CAND1: variants seen among roughly 807,000 people sequenced by gnomAD.
The protein encoded by CAND1 is cullin associated and neddylation dissociated 1.
A neutral mutation model predicts 108.5 loss-of-function variants in CAND1; 7 were observed. That is an observed-to-expected ratio of 0.06 (90% CI 0.04 to 0.12). The LOEUF is 0.12. Ranked by LOEUF, CAND1 falls within the 10% of genes least tolerant of loss-of-function variation. CAND1 has a pLI of 1.00. For synonymous variants in CAND1, 534 were observed against 512.0 expected (o/e 1.04, Z -0.58); for missense variants, 941 against 1,448.7 (o/e 0.65, Z 5.69).
chr12:67,305,801 G>A lies in CAND1; in HGVS notation c.2133G>A (p.Met711Ile). Reference protein sequence around the residue: ...ISESDMHVSQMAISFLTTLAK... With the variant: ...ISESDMHVSQIAISFLTTLAK... ...AAAGTGATATGCATGTTTCACAAATGGCCATCAGTTTTCTTACCACTTTGG... is the reference window on the plus strand; with the variant it reads ...AAAGTGATATGCATGTTTCACAAATAGCCATCAGTTTTCTTACCACTTTGG... Residue 711 changes from methionine (M) to isoleucine (I), a missense_variant, in exon 10 of 15, where the codon ATG becomes ATA. By Grantham distance (10) the Met-to-Ile change is conservative. Transcript: ENST00000545606. The surrounding 1 kb of genome is among the most constrained non-coding windows in gnomAD (Gnocchi z 4.4). 1 of 1,614,142 alleles carries A rather than the reference G, an allele frequency of 6.2e-7. No individual in the cohort carries two copies. Among genetic ancestry groups the A allele is most frequent in the African/African-American group, 1.3e-5 (1 of 75,048 alleles).
chr12:67,290,458 C>T (rs2044712155), intron 2 of CAND1, among the ~76,000 whole-genome samples: 1 of 151,946 alleles, frequency 6.6e-6, no homozygotes, highest in African/African-American at 2.4e-5. Context: ...TTACAGTGAG[C>T]CAACATCACA....
intron 2 of CAND1, 73 bp downstream of exon 2, chr12:67,282,126 T>C (rs1456994353): frequency 6.9e-7 from 1 of 1,454,486 alleles, no homozygotes; most frequent in Non-Finnish European, 9.5e-7. Context: ...CTATGATAAG[T>C]AGTAAATTAT....
At chr12:67,307,272 C>T in intron 10 of CAND1, 125 bp from the exon 11 acceptor site, 1 of 667,218 alleles carries the variant, frequency 1.5e-6, no homozygotes, top group South Asian at 1.8e-5. Flanking sequence ...TAAGAAATAC[C>T]CTTCTTGGCC....
At chr12:67,284,021 A>G (rs1004574245) in intron 2 of CAND1, among the ~76,000 whole-genome samples, 1 of 152,198 alleles carries the variant, frequency 6.6e-6, no homozygotes, top group African/African-American at 2.4e-5. Context: ...AAGCAGCCAT[A>G]TCAATTATTA....
Position 67,306,140 on chromosome 12 carries a change from T to A in CAND1, c.2472T>A (p.Asp824Glu). 6.2e-7 allele frequency: 1 copy of A among 1,614,160 alleles called. No homozygotes were observed. The highest frequency in any genetic ancestry group is 8.5e-7 in the Non-Finnish European group (1 of 1,179,994). The change falls in exon 10 of 15, where the codon GAT (aspartate) becomes GAA (glutamate). Residue 824 changes from aspartate (D) to glutamate (E), a missense_variant. Asp to Glu is a conservative substitution (Grantham distance 45). Coordinates refer to ENST00000545606, the MANE Select transcript of CAND1 (RefSeq NM_018448.5). ...CTGTAGTAGGTCAGTTTATTCAAGATGTCAAGAACTCAAGGTCTACAGATT... is the reference window on the plus strand; with the variant it reads ...CTGTAGTAGGTCAGTTTATTCAAGAAGTCAAGAACTCAAGGTCTACAGATT... ...GPAVVGQFIQDVKNSRSTDSI... is the reference protein window; with the variant it reads ...GPAVVGQFIQEVKNSRSTDSI...
intron 1 of CAND1, among the ~76,000 whole-genome samples, chr12:67,278,264 T>G (rs2044588470): frequency 6.6e-6 from 1 of 152,092 alleles, no homozygotes. Flanking sequence ...TTCAAGCATT[T>G]CCCCTGCCTC....
intron 1 of CAND1, among the ~76,000 whole-genome samples, chr12:67,276,734 C>T (rs1005984829): frequency 6.6e-6 from 1 of 152,178 alleles, no homozygotes; most frequent in African/African-American, 2.4e-5. Context: ...TATGCCTTAG[C>T]TGTTAAGCAT....
At chr12:67,269,896 C>T in intron 1 of CAND1, 111 bp downstream of exon 1, 1 of 841,542 alleles carries the variant, frequency 1.2e-6, no homozygotes, top group South Asian at 1.6e-5. Context: ...GCTTCTCTGC[C>T]CCGAAGTCTC....
chr12:67,312,511 A>T (rs1329307215), intron 14 of CAND1, 95 bp from the exon 15 acceptor site: 7 of 697,368 alleles, frequency 1.0e-5, no homozygotes, highest in Non-Finnish European at 1.7e-5. Context: ...GACCTACGAG[A>T]GTAGCTTTTA....
At chr12:67,287,414 C>T (rs1181203302) in intron 2 of CAND1, among the ~76,000 whole-genome samples, 3 of 152,000 alleles carry the variant, frequency 2.0e-5, no homozygotes, top group East Asian at 1.9e-4. Context: ...TTGTGTCTGT[C>T]GAAGCTTTAG....
rs1592598135 is a variant in CAND1 at position 67,269,856 on chromosome 12, C to T, written c.68+71C>T. The stretch of plus-strand genomic sequence containing the variant: ...CCGCGGCCCTGGCCGTCACGCAGGC[C>T]TTGCCCCACCCCTTCGGCCGTAGCC... On this transcript the variant is annotated intron_variant, in intron 1 of 14. Coordinates refer to ENST00000545606, the MANE Select transcript of CAND1 (RefSeq NM_018448.5). 6 of 1,330,772 alleles carry T rather than the reference C, an allele frequency of 4.5e-6. No individual in the cohort carries two copies. In the South Asian group the frequency reaches 5.0e-5, roughly 11 times the overall value. The allele number at this position is 1,330,772 out of a possible 1,614,324, so 82.4% of individuals were successfully genotyped here. A position where few individuals can be genotyped will look rare whatever the true frequency, so the allele number is the denominator to read the frequency against.
At chr12:67,272,696 G>GT (rs749785712) in intron 1 of CAND1, among the ~76,000 whole-genome samples, 8 of 151,380 alleles carry the variant, frequency 5.3e-5, no homozygotes, top group Admixed American at 1.3e-4. Flanking sequence ...TGTTGTTTTG[G>GT]TTTTTTTTGT....
intron 11 of CAND1, among the ~76,000 whole-genome samples, chr12:67,308,242 G>A (rs1028040804): frequency 6.6e-6 from 1 of 152,012 alleles, no homozygotes; most frequent in African/African-American, 2.4e-5. Context: ...ATTCTTCAGT[G>A]TGCCAGAAAG....
chr12:67,300,254 G>T (rs2044811543), intron 7 of CAND1, among the ~76,000 whole-genome samples: 1 of 140,262 alleles, frequency 7.1e-6, no homozygotes, highest in South Asian at 2.3e-4. Context: ...TGTACTTAGA[G>T]TATCCCAAGG....
chr12:67,305,436 A>G lies in CAND1; in HGVS notation c.1768A>G (p.Ile590Val), dbSNP rs1417908156. The G allele has an allele frequency of 1.2e-6, 2 of 1,613,634 alleles. No individual in the cohort carries two copies. The highest frequency in any genetic ancestry group is 1.7e-6 in the Non-Finnish European group (2 of 1,179,910). The change falls in exon 10 of 15, where the codon ATT becomes GTT. Residue 590 changes from isoleucine to valine, a missense_variant. Ile to Val is a conservative substitution (Grantham distance 29). This residue lies in a region of CAND1 where 697 missense variants were observed against 942.0 expected (regional missense o/e 0.74). Transcript: ENST00000545606. The surrounding 1 kb of genome is among the most constrained non-coding windows in gnomAD (Gnocchi z 4.4). ...TGATCAGGAAGTCAAGGAAAGGGCT[A>G]TTTCCTGTATGGGACAAATTATTTG... Reference protein sequence around the residue: ...DIDQEVKERAISCMGQIICNL... With the variant: ...DIDQEVKERAVSCMGQIICNL...
chr12:67,290,922 T>C (rs811820), intron 2 of CAND1, among the ~76,000 whole-genome samples: 84,206 of 151,888 alleles, frequency 0.55, 24,471 homozygotes, highest in Non-Finnish European at 0.65. Context: ...CGAACCCTAT[T>C]GTAAACTGTG....
chr12:67,284,683 C>T (rs1041279789), intron 2 of CAND1, among the ~76,000 whole-genome samples: 3 of 85,338 alleles, frequency 3.5e-5, no homozygotes, highest in African/African-American at 6.9e-5. Context: ...TTGATAGGTC[C>T]TTAAAAGAGT....
chr12:67,272,802 C>T (rs1308666006), intron 1 of CAND1, among the ~76,000 whole-genome samples: 1 of 152,022 alleles, frequency 6.6e-6, no homozygotes, highest in Non-Finnish European at 1.5e-5. Context: ...GTTCAAGCAA[C>T]TCCCTTGCCT....
intron 4 of CAND1, 87 bp from the exon 5 acceptor site, chr12:67,297,320 C>A: frequency 8.3e-7 from 1 of 1,207,240 alleles, no homozygotes. Context: ...TGAATATTTG[C>A]ATTGAGGTCA....
Sources: allele counts gnomAD v4.1 joint callset (sites outside exome capture counted in the v4.1 genomes callset), GRCh38; gene constraint gnomAD v4.1.1; regional missense constraint gnomAD v4.1.1; non-coding constraint Gnocchi (gnomAD v3.1); transcripts MANE v1.5; gene names NCBI Gene and HGNC (gene_info 2026-07-23, HGNC 2026-07-21).